Variants in NHS observed in about 807,000 individuals in gnomAD.
The protein encoded by NHS is NHS actin remodeling regulator, also known as actin remodeling regulator NHS.
A neutral mutation model predicts 72.5 loss-of-function variants in NHS; 5 were observed. The observed-to-expected ratio is 0.07, with a 90% CI of 0.04 to 0.14. The LOEUF (loss-of-function observed/expected upper bound fraction) is 0.14. Among genes scored for constraint, NHS ranks in the 10% least tolerant of loss-of-function variants. The pLI, the probability that NHS is intolerant of heterozygous loss-of-function variation, is 1.00. For synonymous variants in NHS, 464 were observed against 547.7 expected, an observed-to-expected ratio of 0.85 and a Z score of 2.13; for missense variants, 1,072 against 1,355.7, an observed-to-expected ratio of 0.79 and a Z score of 3.29.
intron 3 of NHS, among the ~76,000 whole-genome samples, chrX:17,698,647 A>G (rs1276792493): frequency 2.7e-5 from 3 of 112,134 alleles, no homozygotes; most frequent in Non-Finnish European, 5.6e-5. Context: ...AGACAGTCAG[A>G]CCAATATCAC....
intron 1 of NHS, among the ~76,000 whole-genome samples, chrX:17,492,498 A>T (rs967914358): frequency 1.8e-5 from 2 of 111,360 alleles, no homozygotes; most frequent in Non-Finnish European, 3.8e-5. Flanking sequence ...GGTCTGAGTG[A>T]CTCTTTGTTA....
At chrX:17,449,454 A>G (rs1199132894) in intron 1 of NHS, among the ~76,000 whole-genome samples, 2 of 112,613 alleles carry the variant, frequency 1.8e-5, no homozygotes, top group African/African-American at 6.5e-5. Context: ...TCTGAGATAC[A>G]GGTCAGAAGA....
intron 3 of NHS, among the ~76,000 whole-genome samples, chrX:17,707,068 G>A (rs1319661335): frequency 8.9e-6 from 1 of 111,778 alleles, no homozygotes; most frequent in Non-Finnish European, 1.9e-5. Flanking sequence ...CCAAGTCCTT[G>A]CTTAGATTCT....
chrX:17,376,535 A>G (rs1175837362), intron 1 of NHS, among the ~76,000 whole-genome samples: 1 of 112,350 alleles, frequency 8.9e-6, no homozygotes, highest in Admixed American at 9.3e-5. Flanking sequence ...AGTGATGCAG[A>G]CGTGGACGGT....
chrX:17,724,499 G>C (rs1438272482), intron 6 of NHS, 69 bp downstream of exon 6: 1 of 1,169,172 alleles, frequency 8.6e-7, no homozygotes. Context: ...AGATGAAATA[G>C]AAAAATGATT....
intron 1 of NHS, among the ~76,000 whole-genome samples, chrX:17,572,697 A>G (rs2065488002): frequency 9.1e-6 from 1 of 109,925 alleles, no homozygotes; most frequent in Non-Finnish European, 1.9e-5. Context: ...TAATATTGTT[A>G]TGTGTGAATT....
chrX:17,394,453 C>A (rs1448805077), intron 1 of NHS, among the ~76,000 whole-genome samples: 1 of 112,225 alleles, frequency 8.9e-6, no homozygotes, highest in Non-Finnish European at 1.9e-5. Context: ...ATAGAGGTGA[C>A]TATGTAATTT....
chrX:17,688,986 A>G (rs2066180025), intron 2 of NHS, among the ~76,000 whole-genome samples: 1 of 111,684 alleles, frequency 9.0e-6, no homozygotes, highest in South Asian at 3.8e-4. Context: ...TACACATTCA[A>G]TGTCTTTCTT....
intron 2 of NHS, among the ~76,000 whole-genome samples, chrX:17,690,672 T>C (rs2147114017): frequency 8.9e-6 from 1 of 112,175 alleles, no homozygotes; most frequent in Non-Finnish European, 1.9e-5. Flanking sequence ...GACAGACAAG[T>C]AACCAGGTAA....
chrX:17,403,807 T>A (rs1293852885), intron 1 of NHS, among the ~76,000 whole-genome samples: 1 of 111,673 alleles, frequency 9.0e-6, no homozygotes. Context: ...TCTCTTAGTG[T>A]CCTTCACTCC....
At chrX:17,580,550 A>T (rs1366621251) in intron 1 of NHS, among the ~76,000 whole-genome samples, 1 of 112,544 alleles carries the variant, frequency 8.9e-6, no homozygotes, top group Non-Finnish European at 1.9e-5. Context: ...CACTGAGCAC[A>T]GGAGCTCAGC....
intron 1 of NHS, among the ~76,000 whole-genome samples, chrX:17,516,511 C>A (rs2065120557): frequency 9.1e-6 from 1 of 110,243 alleles, no homozygotes; most frequent in African/African-American, 3.3e-5. Flanking sequence ...TGCACACATG[C>A]CCCTCCTCTG....
intron 1 of NHS, among the ~76,000 whole-genome samples, chrX:17,475,433 A>G (rs930032429): frequency 3.1e-4 from 35 of 112,388 alleles, no homozygotes; most frequent in African/African-American, 1.1e-3. Flanking sequence ...AGGAAATAAG[A>G]GCTTGGTAGC....
chrX:17,546,201 G>A (rs1172795972), intron 1 of NHS, among the ~76,000 whole-genome samples: 1 of 111,814 alleles, frequency 8.9e-6, no homozygotes, highest in African/African-American at 3.3e-5. Context: ...CTGCCTGAAT[G>A]TAGGGCTATT....
In NHS at chrX:17,562,687, TAAAC is replaced by T. The variant is rs757717017; in HGVS notation, c.566-125051_566-125048del. On this transcript the variant is annotated intron_variant, in intron 1 of 8. Coordinates refer to ENST00000676302, the MANE Select transcript of NHS (RefSeq NM_001291867.2). ...AAATATAATGGAAGTTTTGGAATAA[TAAAC>T]AAAGAATCTTTAAAGAAAGAGAGTT... 4.4e-3 allele frequency among the ~76,000 whole-genome samples: 491 copies of T among 112,077 alleles called. 1 individual carries two copies. Among genetic ancestry groups the T allele is most frequent in the Non-Finnish European group, 5.7e-3 (305 of 53,179 alleles).
intron 1 of NHS, among the ~76,000 whole-genome samples, chrX:17,433,310 T>A (rs947821810): frequency 7.6e-5 from 8 of 104,871 alleles, no homozygotes; most frequent in African/African-American, 2.1e-4. Flanking sequence ...CGGCCTCCCA[T>A]AGTGCTCCCC....
rs771268937 is a variant in NHS, at chrX:17,498,330, G to C, written c.565+122008G>C. 4.5e-5 allele frequency among the ~76,000 whole-genome samples: 5 copies of C among 111,171 alleles called. No homozygotes were observed. In the Admixed American group the frequency reaches 4.8e-4, roughly 11 times the overall value. On this transcript the variant is annotated intron_variant, in intron 1 of 8. Coordinates refer to ENST00000676302, the MANE Select transcript of NHS (RefSeq NM_001291867.2). ...TGCAGGGATCTCAAAGGGATGTGTCGAGAGATATCCCTTTGATGGCCTTCC... is the reference window on the plus strand; with the variant it reads ...TGCAGGGATCTCAAAGGGATGTGTCCAGAGATATCCCTTTGATGGCCTTCC...
chrX:17,448,937 C>T (rs1486473283), intron 1 of NHS, among the ~76,000 whole-genome samples: 3 of 112,644 alleles, frequency 2.7e-5, no homozygotes, highest in African/African-American at 9.7e-5. Flanking sequence ...TATGAAGTAC[C>T]ATGTTTCAGG....
At chrX:17,472,120 C>G (rs978949289) in intron 1 of NHS, among the ~76,000 whole-genome samples, 1 of 111,345 alleles carries the variant, frequency 9.0e-6, no homozygotes, top group Non-Finnish European at 1.9e-5. Flanking sequence ...TTTGATTTTC[C>G]TAGGAAGTCT....
Sources: allele counts gnomAD v4.1 joint callset (sites outside exome capture counted in the v4.1 genomes callset), GRCh38; gene constraint gnomAD v4.1.1; transcripts MANE v1.5; gene names NCBI Gene and HGNC (gene_info 2026-07-23, HGNC 2026-07-21).